The following CCL26 variants were observed in gnomAD, a reference collection of about 807,000 sequenced individuals.
The protein encoded by CCL26 is C-C motif chemokine ligand 26, also known as C-C motif chemokine 26.
A neutral mutation model predicts 10.7 loss-of-function variants in CCL26; 10 were observed. That is an observed-to-expected ratio of 0.93 (90% confidence interval 0.57 to 1.58). The LOEUF (loss-of-function observed/expected upper bound fraction) is 1.58, where lower values mean the gene tolerates loss of function less well. Among genes scored for constraint, CCL26 ranks in the 40% most tolerant of loss-of-function variants. The pLI is 0.00. For missense variants in CCL26, 116 were observed against 111.0 expected, an observed-to-expected ratio of 1.05 and a Z score of -0.20; for synonymous variants, 43 against 41.4, an observed-to-expected ratio of 1.04 and a Z score of -0.15.
upstream of CCL26, among the ~76,000 whole-genome samples, chr7:75,776,068 C>CT (rs534170968): frequency 0.018 from 1,833 of 99,600 alleles, 68 homozygotes; most frequent in Non-Finnish European, 0.027. Context: ...AGTTCACACT[C>CT]TTTTTTTTTT....
At chr7:75,773,428 GA>G (rs1402059917), upstream of CCL26, among the ~76,000 whole-genome samples, 6 of 148,774 alleles carry the variant, frequency 4.0e-5, no homozygotes, top group South Asian at 6.4e-4. Context: ...TCTCAAAAAA[GA>G]AAAAAAAATA....
chr7:75,784,899 C>G (rs1357244944), intron 1 of CCL26, among the ~76,000 whole-genome samples: 1 of 152,060 alleles, frequency 6.6e-6, no homozygotes, highest in Non-Finnish European at 1.5e-5. Flanking sequence ...ACCCTTACAC[C>G]GCTCAACGGC....
upstream of CCL26, among the ~76,000 whole-genome samples, chr7:75,790,709 C>T (rs894502558): frequency 1.3e-5 from 2 of 151,968 alleles, no homozygotes; most frequent in East Asian, 1.9e-4. Flanking sequence ...TGTGGGAGGC[C>T]GAGGCAGGCA....
intron 1 of CCL26, among the ~76,000 whole-genome samples, chr7:75,779,509 T>G (rs552269049): frequency 1.2e-4 from 19 of 152,270 alleles, no homozygotes; most frequent in African/African-American, 4.6e-4. Flanking sequence ...TCCCTCAACC[T>G]CTTTCTCCTT....
At chr7:75,787,771 T>C (rs1803232906) in intron 1 of CCL26, among the ~76,000 whole-genome samples, 1 of 150,082 alleles carries the variant, frequency 6.7e-6, no homozygotes, top group Non-Finnish European at 1.5e-5. Context: ...AACAAGTAAT[T>C]ACACTAAACC....
chr7:75,785,323 G>A (rs1554529864), intron 1 of CCL26, among the ~76,000 whole-genome samples: 1 of 152,014 alleles, frequency 6.6e-6, no homozygotes, highest in Non-Finnish European at 1.5e-5. Flanking sequence ...CTTCAGCCAA[G>A]CTCTTTCCCA....
intron 1 of CCL26, among the ~76,000 whole-genome samples, chr7:75,781,658 C>T (rs1803066989): frequency 6.6e-6 from 1 of 152,214 alleles, no homozygotes; most frequent in African/African-American, 2.4e-5. Flanking sequence ...CCTGCCTTAA[C>T]TGATGACATT....
chr7:75,790,581 T>C (rs909359839), upstream of CCL26, among the ~76,000 whole-genome samples: 19 of 152,002 alleles, frequency 1.2e-4, 1 homozygote, highest in Non-Finnish European at 2.9e-5. Flanking sequence ...GGATGTCTTC[T>C]AATGGATTTT....
upstream of CCL26, among the ~76,000 whole-genome samples, chr7:75,791,013 C>CTTTTTTT (rs35608337): frequency 6.7e-5 from 9 of 134,350 alleles, no homozygotes; most frequent in Middle Eastern, 3.4e-3. Context: ...GAAACTCCTC[C>CTTTTTTT]TTTTTTTTTT....
intron 1 of CCL26, among the ~76,000 whole-genome samples, chr7:75,781,712 T>C (rs1202011322): frequency 6.6e-6 from 1 of 151,530 alleles, no homozygotes; most frequent in African/African-American, 2.4e-5. Flanking sequence ...GCTCAAAAGC[T>C]CCCCCACTGA....
At chr7:75,774,471 G>A (rs1006098763), upstream of CCL26, among the ~76,000 whole-genome samples, 3 of 151,612 alleles carry the variant, frequency 2.0e-5, no homozygotes, top group African/African-American at 7.3e-5. Flanking sequence ...TTTTGAGACA[G>A]AGTCTTGCTC....
chr7:75,776,068 CT>C (rs534170968), upstream of CCL26, among the ~76,000 whole-genome samples: 10,623 of 99,162 alleles, frequency 0.11, 226 homozygotes, highest in East Asian at 0.19. Context: ...AGTTCACACT[CT>C]TTTTTTTTTT....
At chr7:75,788,917 T>G (rs1414591001) in intron 1 of CCL26, among the ~76,000 whole-genome samples, 3 of 143,762 alleles carry the variant, frequency 2.1e-5, no homozygotes, top group South Asian at 2.6e-4. Flanking sequence ...CATACCTTTC[T>G]TTTCTCTTTT....
At chr7:75,772,786 C>A (rs1027853032), upstream of CCL26, among the ~76,000 whole-genome samples, 1 of 152,068 alleles carries the variant, frequency 6.6e-6, no homozygotes, top group East Asian at 1.9e-4. Context: ...GCAGGCAGGC[C>A]CCAGGGAGTC....
At chr7:75,778,911 T>C (rs1386674987) in intron 1 of CCL26, among the ~76,000 whole-genome samples, 1 of 152,060 alleles carries the variant, frequency 6.6e-6, no homozygotes, top group East Asian at 1.9e-4. Context: ...TGAAACCCCA[T>C]TGTCAGGCCT....
intron 1 of CCL26, among the ~76,000 whole-genome samples, chr7:75,777,249 A>AACAAAT (rs2115660366): frequency 6.6e-6 from 1 of 152,186 alleles, no homozygotes; most frequent in Non-Finnish European, 1.5e-5. Flanking sequence ...CAAAAACAAA[A>AACAAAT]ACGTGTTCCT....
At chr7:75,784,295 C>T (rs902171602) in intron 1 of CCL26, among the ~76,000 whole-genome samples, 2 of 152,206 alleles carry the variant, frequency 1.3e-5, no homozygotes, top group East Asian at 1.9e-4. Flanking sequence ...CACTGGAAAT[C>T]GGAATGTCCA....
chr7:75,772,654 C>CA (rs5884975), upstream of CCL26, among the ~76,000 whole-genome samples: 27,026 of 120,654 alleles, frequency 0.22, 2,864 homozygotes, highest in Admixed American at 0.36. Context: ...GAGACTCTGC[C>CA]AAAAAAAAAA....
intron 2 of CCL26, among the ~76,000 whole-genome samples, chr7:75,770,046 T>G (rs1340472531): frequency 6.6e-6 from 1 of 150,616 alleles, no homozygotes; most frequent in Non-Finnish European, 1.5e-5. Context: ...GCCTGCAGCA[T>G]GTAACCTGCA....
Sources: allele counts gnomAD v4.1 joint callset (sites outside exome capture counted in the v4.1 genomes callset), GRCh38; gene constraint gnomAD v4.1.1; transcripts MANE v1.5; gene names NCBI Gene and HGNC (gene_info 2026-07-23, HGNC 2026-07-21).